Variants in ERAP1 observed in about 807,000 individuals in gnomAD.
ERAP1 encodes the protein adipocyte-derived leucine aminopeptidase.
In ERAP1, 86 loss-of-function variants were observed where a neutral mutation model predicts 103.7. The observed-to-expected ratio is 0.83, with a 90% CI of 0.70 to 0.99. ERAP1 has a LOEUF of 0.99. Ranked by LOEUF, ERAP1 falls within the 50% of genes least tolerant of loss-of-function variation. The pLI is 0.00. For synonymous variants in ERAP1, 398 were observed against 402.4 expected, an observed-to-expected ratio of 0.99 and a Z score of 0.13; for missense variants, 1,009 against 1,128.4, an observed-to-expected ratio of 0.89 and a Z score of 1.52.
chr5:96,922,727 G>GT, the ERAP1 span, among the ~76,000 whole-genome samples: 1 of 152,186 alleles, frequency 6.6e-6, no homozygotes, highest in Non-Finnish European at 1.5e-5. Flanking sequence ...CTAAATTAGA[G>GT]TTACTCAAGC....
rs10646647 is a variant in ERAP1, at chr5:96,798,871, C to CTT, written c.664-1564_664-1563dup. The stretch of plus-strand genomic sequence containing the variant: ...TCTGCCTACCTACAACAAAAATTTC[C>CTT]TTTTTTTTTTTTTTGAGATGGAGTC... On this transcript the variant is annotated intron_variant, in intron 3 of 18. Transcript: ENST00000443439. 8.0e-5 allele frequency among the ~76,000 whole-genome samples: 10 copies of CTT among 124,860 alleles called. 2 individuals are homozygous for CTT. The highest frequency in any genetic ancestry group is 1.5e-4 in the Non-Finnish European group (9 of 61,312). The allele number at this position is 124,860 out of a possible 152,430, so 81.9% of individuals were successfully genotyped here. A position where few individuals can be genotyped will look rare whatever the true frequency, so the allele number is the denominator to read the frequency against.
Position 96,803,761 on chromosome 5 carries a change from C to T in ERAP1, c.166G>A (p.Glu56Lys), listed in dbSNP as rs3734016. The T allele has an allele frequency of 0.053, 85,633 of 1,614,084 alleles. 3,224 individuals carry two copies. Among genetic ancestry groups the T allele is most frequent in the East Asian group, 0.18 (7,978 of 44,864 alleles). Reference sequence around the variant, plus strand: ...TCATAATGAACTGGGATGACGTACTCAGGAAGTCGTATTTTATTCCAAGGA... The same window carrying T: ...TCATAATGAACTGGGATGACGTACTTAGGAAGTCGTATTTTATTCCAAGGA... ...PFPWNKIRLP[E>K]YVIPVHYDLL... Residue 56 changes from glutamate to lysine, a missense_variant, in exon 2 of 19, where the codon GAG (glutamate) becomes AAG (lysine). Glu to Lys is a moderately conservative substitution (Grantham distance 56). Coordinates refer to ENST00000443439, the MANE Select transcript of ERAP1 (RefSeq NM_001040458.3).
chr5:96,896,497 A>G, the ERAP1 span: 2 of 1,613,156 alleles, frequency 1.2e-6, no homozygotes, highest in Non-Finnish European at 1.7e-6. Flanking sequence ...GAAGTTTCCT[A>G]TAACAAGGTA....
the ERAP1 span, among the ~76,000 whole-genome samples, chr5:96,874,130 G>GAA: frequency 6.1e-5 from 8 of 130,436 alleles, no homozygotes; most frequent in African/African-American, 1.8e-4. Context: ...AAGAAAGAAA[G>GAA]AGAGAGAGAA....
the ERAP1 span, among the ~76,000 whole-genome samples, chr5:96,850,657 G>A: frequency 6.6e-6 from 1 of 152,062 alleles, no homozygotes; most frequent in Admixed American, 6.6e-5. Flanking sequence ...AGAAAGTGAG[G>A]TGATGGATAT....
intron 14 of ERAP1, among the ~76,000 whole-genome samples, chr5:96,783,568 C>T (rs1023777618): frequency 1.3e-5 from 2 of 152,070 alleles, no homozygotes; most frequent in South Asian, 2.1e-4. Flanking sequence ...TTTTGCCAAG[C>T]ATAACAATTT....
At chr5:96,892,415 T>G in the ERAP1 span, 1 of 1,614,074 alleles carries the variant, frequency 6.2e-7, no homozygotes, top group African/African-American at 1.3e-5. Context: ...CGATAAACTG[T>G]GGGTCACCAG....
chr5:96,781,868 C>A lies in ERAP1; in HGVS notation c.2286-14G>T, dbSNP rs1290893859. On this transcript the variant is annotated splice_polypyrimidine_tract_variant and intron_variant, in intron 15 of 18. Transcript: ENST00000443439. ...TCGACAGGCAGGCTATAGAAAGGAACACACTCGGTGAGAATCTGAGGTGCA... is the reference window on the plus strand; with the variant it reads ...TCGACAGGCAGGCTATAGAAAGGAAAACACTCGGTGAGAATCTGAGGTGCA... 6.2e-7 allele frequency: 1 copy of A among 1,613,192 alleles called. No homozygotes were observed. The highest frequency in any genetic ancestry group is 1.1e-5 in the South Asian group (1 of 91,076).
rs1778263841 is a variant in ERAP1, at chr5:96,803,817, G to A, written c.110C>T (p.Ala37Val). 6.2e-7 allele frequency: 1 copy of A among 1,614,194 alleles called. No individual in the cohort carries two copies. The highest frequency in any genetic ancestry group is 2.2e-5 in the East Asian group (1 of 44,892). Residue 37 changes from alanine to valine, a missense_variant, in exon 2 of 19, where the codon GCA becomes GTA. Ala to Val is a moderately conservative substitution (Grantham distance 64, BLOSUM62 0). Transcript: ENST00000443439. ...TGTCCCATCACTACGTTTTGGAGAT[G>A]CTTCAGTGCTCTGACACCATGAAGG... ...STPSWCQSTE[A>V]SPKRSDGTPF... is the part of the protein sequence containing the mutation.
downstream of ERAP1, chr5:96,770,297 T>G: frequency 2.0e-6 from 1 of 492,992 alleles, no homozygotes; most frequent in Non-Finnish European, 3.7e-6. Context: ...CCACGGGAAT[T>G]AGAGCATCAA....
chr5:96,767,544 G>T, intron 19 of ERAP1: 1 of 1,345,468 alleles, frequency 7.4e-7, no homozygotes, highest in South Asian at 1.2e-5. Context: ...AGGGGTATTT[G>T]GCATTTTAGA....
chr5:96,850,246 A>T, the ERAP1 span, among the ~76,000 whole-genome samples: 40,391 of 152,102 alleles, frequency 0.27, 6,680 homozygotes, highest in Non-Finnish European at 0.38. Context: ...GGCAAGCGGG[A>T]TTGCATAAAC....
In ERAP1 at chr5:96,790,279, C is replaced by T. The variant is rs575993061; in HGVS notation, c.1524+17G>A. 2.5e-6 allele frequency: 4 copies of T among 1,611,966 alleles called. No homozygotes were observed. The highest frequency in any genetic ancestry group is 1.3e-5 in the African/African-American group (1 of 75,014). On this transcript the variant is annotated intron_variant, in intron 10 of 18. Transcript: ENST00000443439. ...AAGAATGTGCTTGGGGGAACATGTA[C>T]AGATATAGAAACTTACTGAGGATGA...
the ERAP1 span, among the ~76,000 whole-genome samples, chr5:96,894,643 T>C: frequency 6.6e-6 from 1 of 152,300 alleles, no homozygotes; most frequent in South Asian, 2.1e-4. Flanking sequence ...GCATCCTTTT[T>C]ATTTGATTTA....
At chr5:96,804,677 G>C (rs1391798414) in intron 1 of ERAP1, 1 of 153,204 alleles carries the variant, frequency 6.5e-6, no homozygotes. Context: ...GCCAGGCATG[G>C]TGGCTCACGC....
chr5:96,896,634 C>T, the ERAP1 span: 10 of 1,425,248 alleles, frequency 7.0e-6, no homozygotes, highest in Admixed American at 2.1e-4. Context: ...ACTTTTCAGA[C>T]ATCACACATG....
At chr5:96,798,944 T>G (rs1235294271) in intron 3 of ERAP1, among the ~76,000 whole-genome samples, 1 of 148,500 alleles carries the variant, frequency 6.7e-6, no homozygotes, top group African/African-American at 2.5e-5. Context: ...CTTGACTCAC[T>G]GCAACCTCCA....
At chr5:96,880,017 A>T in the ERAP1 span, 7 of 1,614,188 alleles carry the variant, frequency 4.3e-6, no homozygotes, top group South Asian at 6.6e-5. Context: ...ATCATCTTGC[A>T]CAGCAAAGAT....
intron 10 of ERAP1, among the ~76,000 whole-genome samples, chr5:96,789,806 T>A (rs1050707558): frequency 6.6e-6 from 1 of 152,236 alleles, no homozygotes; most frequent in African/African-American, 2.4e-5. Context: ...TTGTATTTCA[T>A]GTTCTCAACT....
Sources: allele counts gnomAD v4.1 joint callset (sites outside exome capture counted in the v4.1 genomes callset), GRCh38; gene constraint gnomAD v4.1.1; transcripts MANE v1.5; gene names NCBI Gene and HGNC (gene_info 2026-07-23, HGNC 2026-07-21).